FILIP1L: variants seen among roughly 807,000 people sequenced by gnomAD.
FILIP1L encodes the protein filamin A interacting protein 1 like.
In FILIP1L, 55 loss-of-function variants were observed where a neutral mutation model predicts 96.6. That is an observed-to-expected ratio of 0.57 (90% CI 0.46 to 0.71). FILIP1L has a LOEUF of 0.71. Ranked by LOEUF, FILIP1L falls within the 30% of genes least tolerant of loss-of-function variation. FILIP1L has a pLI of 0.00. For synonymous variants in FILIP1L, 467 were observed against 473.9 expected (o/e 0.99, Z 0.19); for missense variants, 1,304 against 1,321.2 (o/e 0.99, Z 0.20).
chr3:99,830,371 T>A lies in FILIP1L; in HGVS notation c.*43A>T, dbSNP rs1182017587. 1 of 372,500 alleles carries A rather than the reference T, an allele frequency of 2.7e-6. No individual in the cohort carries two copies. The highest frequency in any genetic ancestry group is 7.3e-5 in the East Asian group (1 of 13,664). 23.1% of individuals were successfully genotyped at this position (372,500 alleles called of 1,614,324 possible). ...ATAGTGGTAATTTTAGCTTTCCACATATTTCTGTAGATGAATGTATCCAGG... is the reference window on the plus strand; with the variant it reads ...ATAGTGGTAATTTTAGCTTTCCACAAATTTCTGTAGATGAATGTATCCAGG... On this transcript the variant is annotated 3_prime_UTR_variant, in exon 6 of 6. Transcript: ENST00000477258.
chr3:99,904,256 T>C (rs1291456136), intron 4 of FILIP1L, among the ~76,000 whole-genome samples: 2 of 152,258 alleles, frequency 1.3e-5, no homozygotes, highest in Non-Finnish European at 2.9e-5. Context: ...AGAATGTGCT[T>C]ATTTTATTTT....
intron 1 of FILIP1L, among the ~76,000 whole-genome samples, chr3:99,981,557 T>C (rs2107733227): frequency 6.6e-6 from 1 of 152,332 alleles, no homozygotes; most frequent in South Asian, 2.1e-4. Flanking sequence ...ACACAGTGTA[T>C]ATCTATATAC....
At chr3:99,950,101 T>G (rs1453059488) in intron 1 of FILIP1L, among the ~76,000 whole-genome samples, 1 of 152,208 alleles carries the variant, frequency 6.6e-6, no homozygotes. Context: ...TTGGAACCAT[T>G]AGGTTAGAGA....
chr3:99,997,707 T>G (rs2107153351), intron 1 of FILIP1L, among the ~76,000 whole-genome samples: 1 of 152,298 alleles, frequency 6.6e-6, no homozygotes, highest in Middle Eastern at 3.4e-3. Flanking sequence ...AGCAGATTTA[T>G]TAGTAGTTTA....
At chr3:100,029,603 T>C (rs895088304) in intron 1 of FILIP1L, among the ~76,000 whole-genome samples, 2 of 152,182 alleles carry the variant, frequency 1.3e-5, no homozygotes, top group South Asian at 2.1e-4. Context: ...CCAGCCTAAA[T>C]AGTCTAATCA....
intron 5 of FILIP1L, among the ~76,000 whole-genome samples, chr3:99,832,108 A>G (rs886114014): frequency 2.0e-5 from 3 of 152,064 alleles, no homozygotes; most frequent in East Asian, 1.9e-4. Context: ...ACTTGTTTCT[A>G]CACCATTGAT....
chr3:100,049,435 C>G (rs1048984913), intron 1 of FILIP1L, among the ~76,000 whole-genome samples: 4 of 152,122 alleles, frequency 2.6e-5, no homozygotes, highest in African/African-American at 9.7e-5. Flanking sequence ...TAATATGGCA[C>G]TAGAGTGTCA....
intron 1 of FILIP1L, among the ~76,000 whole-genome samples, chr3:100,091,474 C>T (rs901232008): frequency 2.6e-5 from 4 of 152,112 alleles, no homozygotes; most frequent in African/African-American, 9.7e-5. Flanking sequence ...CAAGAGCAGC[C>T]AGTTTTAAAG....
chr3:99,942,903 AAAG>A (rs1416074044), intron 1 of FILIP1L, among the ~76,000 whole-genome samples: 1 of 152,098 alleles, frequency 6.6e-6, no homozygotes, highest in East Asian at 1.9e-4. Flanking sequence ...AAAGGGGAGA[AAAG>A]AAGAAGGAAG....
chr3:99,914,203 G>C (rs1006805266), intron 4 of FILIP1L, among the ~76,000 whole-genome samples: 4 of 152,200 alleles, frequency 2.6e-5, no homozygotes, highest in Non-Finnish European at 5.9e-5. Flanking sequence ...GGTAAGCCAG[G>C]ATCCTGGATT....
chr3:99,909,751 A>G (rs955425305), intron 4 of FILIP1L, among the ~76,000 whole-genome samples: 1 of 152,210 alleles, frequency 6.6e-6, no homozygotes, highest in African/African-American at 2.4e-5. Context: ...GTTATAGTTA[A>G]TTTAGATAAC....
At chr3:99,880,096 A>G (rs772218771) in intron 4 of FILIP1L, among the ~76,000 whole-genome samples, 3 of 152,160 alleles carry the variant, frequency 2.0e-5, no homozygotes, top group Non-Finnish European at 2.9e-5. Flanking sequence ...CTCTGCTGCT[A>G]CACAACTTAG....
At chr3:100,021,573 A>C (rs924813810) in intron 1 of FILIP1L, among the ~76,000 whole-genome samples, 1 of 152,286 alleles carries the variant, frequency 6.6e-6, no homozygotes, top group East Asian at 1.9e-4. Flanking sequence ...CTTGAATTTG[A>C]AGCAAAGTCT....
intron 4 of FILIP1L, among the ~76,000 whole-genome samples, chr3:99,871,107 C>T: frequency 6.6e-6 from 1 of 152,180 alleles, no homozygotes; most frequent in South Asian, 2.1e-4. Flanking sequence ...CACTGCCATA[C>T]AAAGCAGATT....
At chr3:99,968,387 A>G (rs922366021) in intron 1 of FILIP1L, among the ~76,000 whole-genome samples, 7 of 152,048 alleles carry the variant, frequency 4.6e-5, no homozygotes, top group African/African-American at 1.7e-4. Context: ...TTACTGTTGA[A>G]TAGTAGTATG....
intron 1 of FILIP1L, among the ~76,000 whole-genome samples, chr3:99,979,039 A>G (rs554444457): frequency 1.3e-4 from 20 of 152,272 alleles, no homozygotes; most frequent in Admixed American, 2.0e-4. Flanking sequence ...TAGGGCGACT[A>G]GAGGGTGTAG....
chr3:99,835,174 A>T (rs1244418719), intron 5 of FILIP1L, among the ~76,000 whole-genome samples: 1 of 152,180 alleles, frequency 6.6e-6, no homozygotes, highest in African/African-American at 2.4e-5. Flanking sequence ...GGTGGGAGTT[A>T]AGGCAGCTGA....
At position 99,850,299 on chromosome 3, in the gene FILIP1L, A is replaced by G; in HGVS notation, c.1377T>C (p.Ser459=). Residue 459 remains serine (S), a synonymous_variant, in exon 5 of 6, where the codon TCT becomes TCC. Coordinates refer to ENST00000477258, the MANE Select transcript of FILIP1L (RefSeq NM_001387850.1). ...EKERMTTKQL[S]QELESLKVRI... ...TTACTTTTAAACTCTCCAGTTCTTG[A>G]GACAACTGCTTTGTGGTCATCCTTT... The G allele has an allele frequency of 6.2e-7, 1 of 1,613,802 alleles. No homozygotes were observed. Among genetic ancestry groups the G allele is most frequent in the Non-Finnish European group, 8.5e-7 (1 of 1,179,980 alleles).
intron 4 of FILIP1L, chr3:99,898,741 C>T (rs952229039): frequency 6.8e-6 from 1 of 147,068 alleles, no homozygotes; most frequent in Admixed American, 6.8e-5. Flanking sequence ...ACTCCAGCCT[C>T]GGCAGCAGAG....
Sources: gnomAD v4.1 joint callset for allele counts (sites outside exome capture counted in the v4.1 genomes callset) on GRCh38, gnomAD v4.1.1 for gene constraint, MANE v1.5 for transcripts, NCBI Gene and HGNC (gene_info 2026-07-23, HGNC 2026-07-21) for gene names.